Variants in TEKT1 observed in about 807,000 individuals in gnomAD.
The protein encoded by TEKT1 is tektin 1.
TEKT1 carries 32 observed loss-of-function variants against 34.8 expected under a neutral mutation model. That is an observed-to-expected ratio of 0.92 (90% CI 0.69 to 1.23). The LOEUF is 1.23. Ranked by LOEUF, TEKT1 falls within the 50% of genes most tolerant of loss-of-function variation. The probability of loss-of-function intolerance (pLI) is 0.00; values close to 1 mark genes in which losing one functional copy is unlikely to be tolerated. For synonymous variants in TEKT1, 207 were observed against 199.8 expected, an observed-to-expected ratio of 1.04 and a Z score of -0.30; for missense variants, 492 against 518.5, an observed-to-expected ratio of 0.95 and a Z score of 0.50.
intron 2 of TEKT1, among the ~76,000 whole-genome samples, chr17:6,821,769 G>A (rs903499798): frequency 2.0e-5 from 3 of 152,220 alleles, no homozygotes; most frequent in Admixed American, 6.5e-5. Context: ...TGCTGAGGTA[G>A]TCTCAGATGG....
At chr17:6,826,693 A>G (rs1204373972) in intron 2 of TEKT1, among the ~76,000 whole-genome samples, 2 of 146,058 alleles carry the variant, frequency 1.4e-5, no homozygotes, top group Non-Finnish European at 3.0e-5. Context: ...GGTTGGGATT[A>G]TTATTATTTT....
At chr17:6,815,067 A>G (rs557237487) in intron 5 of TEKT1, 96 bp downstream of exon 5, 24 of 1,482,674 alleles carry the variant, frequency 1.6e-5, no homozygotes, top group Middle Eastern at 2.2e-4. Flanking sequence ...CACCACTTCC[A>G]AGCTCTCAGC....
chr17:6,814,638 A>G (rs76889029), intron 5 of TEKT1, among the ~76,000 whole-genome samples: 9,065 of 152,144 alleles, frequency 0.06, 759 homozygotes, highest in African/African-American at 0.18. Flanking sequence ...GGAGATTGAG[A>G]CCATCCTGGC....
chr17:6,816,096 G>T, intron 3 of TEKT1, 134 bp from the exon 4 acceptor site: 1 of 1,250,394 alleles, frequency 8.0e-7, no homozygotes, highest in Non-Finnish European at 1.1e-6. Flanking sequence ...TGACACAGTG[G>T]GTGACAGATA....
chr17:6,822,471 G>C (rs1176597488), intron 2 of TEKT1, among the ~76,000 whole-genome samples: 6 of 152,094 alleles, frequency 3.9e-5, no homozygotes, highest in African/African-American at 1.4e-4. Context: ...ACTCCTATTA[G>C]TTATTGAGCC....
chr17:6,813,654 A>G (rs1327620627), intron 5 of TEKT1, among the ~76,000 whole-genome samples: 2 of 151,720 alleles, frequency 1.3e-5, no homozygotes, highest in Non-Finnish European at 2.9e-5. Flanking sequence ...CAAGTCAGGA[A>G]AGTTATTACC....
In TEKT1 at chr17:6,815,299, G is replaced by A. The variant is rs375527200; in HGVS notation, c.493C>T (p.Arg165Cys). The A allele has an allele frequency of 2.5e-5, 41 of 1,614,200 alleles. No homozygotes were observed. The East Asian group carries it at 4.7e-4, about 18-fold the overall frequency. The change falls in exon 5 of 8, where the codon CGC becomes TGC. Residue 165 changes from arginine to cysteine, a missense_variant. Arg to Cys is a radical substitution (Grantham distance 180). Coordinates refer to ENST00000338694, the MANE Select transcript of TEKT1 (RefSeq NM_053285.2). ...TTCTCAAGATTGTACTTGGCAGAGC[G>A]GTTCATCCTGAAGGGAGAAAGTAAA... The part of the protein sequence containing the change: ...EEASEQIRMN[R>C]SAKYNLEKDL...
chr17:6,812,230 C>G (rs1233856743), intron 6 of TEKT1, among the ~76,000 whole-genome samples: 1 of 152,140 alleles, frequency 6.6e-6, no homozygotes, highest in Non-Finnish European at 1.5e-5. Context: ...GAGGCCTCCC[C>G]AGCCATGTGG....
intron 6 of TEKT1, among the ~76,000 whole-genome samples, chr17:6,804,712 A>C (rs1042996536): frequency 2.0e-5 from 3 of 152,136 alleles, no homozygotes; most frequent in Non-Finnish European, 4.4e-5. Context: ...GCATCTATTG[A>C]GATAATCATA....
rs1413509648 is a variant in TEKT1 at position 6,800,121 on chromosome 17, A to G, written c.1163T>C (p.Val388Ala). 1.2e-6 allele frequency: 2 copies of G among 1,614,138 alleles called. No individual in the cohort carries two copies. The highest frequency in any genetic ancestry group is 4.5e-5 in the East Asian group (2 of 44,884). ...VKENTIYIDE[V>A]LCMQMRKSIP... ...GGATTTCCTCATCTGCATACACAGC[A>G]CTTCGTCGATATAAATGGTGTTCTC... is the stretch of plus-strand genomic sequence containing the variant. Residue 388 changes from valine (V) to alanine (A), a missense_variant, in exon 8 of 8, where the codon GTG becomes GCG. Coordinates refer to ENST00000338694, the MANE Select transcript of TEKT1 (RefSeq NM_053285.2).
At chr17:6,816,797 G>GA (rs1417499949) in intron 3 of TEKT1, among the ~76,000 whole-genome samples, 1 of 152,072 alleles carries the variant, frequency 6.6e-6, no homozygotes, top group Non-Finnish European at 1.5e-5. Flanking sequence ...GATCCTTGAG[G>GA]AATCACCACA....
At chr17:6,826,797 G>A (rs565460532) in intron 2 of TEKT1, among the ~76,000 whole-genome samples, 6 of 151,508 alleles carry the variant, frequency 4.0e-5, no homozygotes, top group South Asian at 2.1e-4. Context: ...CTGAGTTCAC[G>A]CCATTCTCCT....
intron 6 of TEKT1, among the ~76,000 whole-genome samples, chr17:6,812,494 C>T (rs528804430): frequency 6.6e-5 from 10 of 152,244 alleles, no homozygotes; most frequent in African/African-American, 2.2e-4. Flanking sequence ...ACTTCACATA[C>T]GGAGGAGTGG....
chr17:6,818,577 C>T (rs919805765), intron 3 of TEKT1, among the ~76,000 whole-genome samples: 3 of 152,292 alleles, frequency 2.0e-5, no homozygotes, highest in African/African-American at 7.2e-5. Flanking sequence ...GGCAACAGAA[C>T]CCCTGGTTTT....
rs1212405797 is a variant in TEKT1, at chr17:6,799,446, C to T, written c.*581G>A. ...TACAGGCTCAGTATGAAGCCCTTTA[C>T]GGAGGTGATCTCATTCAACGCCCCT... On this transcript the variant is annotated 3_prime_UTR_variant, in exon 8 of 8. Transcript: ENST00000338694. 3 of 152,316 alleles carry T rather than the reference C, an allele frequency of 2.0e-5. No individual in the cohort carries two copies. Among genetic ancestry groups the T allele is most frequent in the Middle Eastern group, 3.4e-3 (1 of 294 alleles). 9.4% of individuals were successfully genotyped at this position (152,316 alleles called of 1,614,324 possible). A position where few individuals can be genotyped will look rare whatever the true frequency, so the allele number is the denominator to read the frequency against.
intron 2 of TEKT1, among the ~76,000 whole-genome samples, chr17:6,821,843 G>A (rs866989307): frequency 6.6e-6 from 1 of 152,110 alleles, no homozygotes; most frequent in Non-Finnish European, 1.5e-5. Context: ...CAAAGAGACT[G>A]GCAGCATTTT....
At chr17:6,828,353 A>G (rs188791796) in intron 2 of TEKT1, among the ~76,000 whole-genome samples, 1 of 152,318 alleles carries the variant, frequency 6.6e-6, no homozygotes, top group African/African-American at 2.4e-5. Context: ...AACATCTAAC[A>G]TTGCTGACCT....
chr17:6,811,061 T>C lies in TEKT1; in HGVS notation c.852+1770A>G, dbSNP rs753221633. On this transcript the variant is annotated intron_variant, in intron 6 of 7. Transcript: ENST00000338694. This position sits in a 1 kb window ranked among gnomAD's most constrained non-coding sequence, Gnocchi z 4.4. The stretch of plus-strand genomic sequence containing the variant: ...CCGGCCGTGACATCTTATTTTATTG[T>C]TTTATTACCAGTATGTCTTTGTTTC... 6.6e-5 allele frequency among the ~76,000 whole-genome samples: 10 copies of C among 152,092 alleles called. No individual in the cohort carries two copies. Among genetic ancestry groups the C allele is most frequent in the African/African-American group, 9.7e-5 (4 of 41,430 alleles).
rs115985064 is a variant in TEKT1, at chr17:6,812,988, C to T, written c.695G>A (p.Arg232Gln). 2,339 of 1,614,186 alleles carry T rather than the reference C, an allele frequency of 1.4e-3. 14 individuals are homozygous for T. The highest frequency in any genetic ancestry group is 0.014 in the African/African-American group (1,033 of 75,060). ...GGCTTTCAGCATCAGGGAGTTGTTC[C>T]GCTGCTTGTCAGCCTTCTCCACATT... The part of the protein sequence containing the change: ...STNVEKADKQ[R>Q]NNSLMLKALV... Residue 232 changes from arginine to glutamine, a missense_variant, in exon 6 of 8, where the codon CGG (arginine) becomes CAG (glutamine). By Grantham distance (43) the Arg-to-Gln change is conservative. Coordinates refer to ENST00000338694, the MANE Select transcript of TEKT1 (RefSeq NM_053285.2).
Sources: gnomAD v4.1 joint callset for allele counts (sites outside exome capture counted in the v4.1 genomes callset) on GRCh38, gnomAD v4.1.1 for gene constraint, Gnocchi (gnomAD v3.1) non-coding constraint, MANE v1.5 for transcripts, NCBI Gene and HGNC (gene_info 2026-07-23, HGNC 2026-07-21) for gene names.